KCNQ1OT1: variants seen among roughly 807,000 people sequenced by gnomAD.
KCNQ1OT1 encodes KCNQ1 antisense RNA 2 (non-protein coding).
At chr11:2,693,575 T>A in exon 1 of KCNQ1OT1, 1 of 398,632 alleles carries the variant, frequency 2.5e-6, no homozygotes, top group Non-Finnish European at 4.4e-6. Flanking sequence ...GGAGCAGGGA[T>A]TCTTCCATAA....
chr11:2,648,120 G>T (rs911443661), exon 1 of KCNQ1OT1: 2 of 381,940 alleles, frequency 5.2e-6, no homozygotes, highest in Non-Finnish European at 9.2e-6. Context: ...CAGGAGGATT[G>T]CTTGAGCCCA....
chr11:2,617,267 C>T lies in KCNQ1OT1; in HGVS notation n.82728G>A, dbSNP rs558782617. On this transcript the variant is annotated non_coding_transcript_exon_variant, in exon 1 of 1. Coordinates refer to ENST00000597346, the Ensembl canonical transcript of KCNQ1OT1. The surrounding 1 kb of genome is among the most constrained non-coding windows in gnomAD (Gnocchi z 4.6). ...TGCCCATGGTAACCACTAGTTTATT[C>T]TATCTCTGTATATTTGACTTTTTTC... 37 of 398,380 alleles carry T rather than the reference C, an allele frequency of 9.3e-5. 1 individual carries two copies. Among genetic ancestry groups the T allele is most frequent in the African/African-American group, 7.4e-4 (36 of 48,706 alleles). The allele number at this position is 398,380 out of a possible 1,614,324, so 24.7% of individuals were successfully genotyped here. A position where few individuals can be genotyped will look rare whatever the true frequency, so the allele number is the denominator to read the frequency against.
At chr11:2,640,583 G>C in exon 1 of KCNQ1OT1, 1 of 389,526 alleles carries the variant, frequency 2.6e-6, no homozygotes. Flanking sequence ...TTTTTTGACC[G>C]ATACATAATA....
exon 1 of KCNQ1OT1, chr11:2,689,325 C>T (rs1850549936): frequency 5.0e-6 from 2 of 398,690 alleles, no homozygotes; most frequent in Middle Eastern, 6.3e-4. Context: ...TCAGGACTGC[C>T]CCTATCCGCA....
At position 2,677,130 on chromosome 11, in the gene KCNQ1OT1, C is replaced by T. The variant is rs1773994562; in HGVS notation, n.22865G>A. The T allele has an allele frequency of 2.5e-6, 1 of 398,418 alleles. No individual in the cohort carries two copies. The highest frequency in any genetic ancestry group is 4.4e-6 in the Non-Finnish European group (1 of 226,052). 24.7% of individuals were successfully genotyped at this position (398,418 alleles called of 1,614,324 possible). A position where few individuals can be genotyped will look rare whatever the true frequency, so the allele number is the denominator to read the frequency against. ...ATGAAATTAGTTTCCCTGAAACATCCCTCCCTATTGAACACTGTTGTTTCT... is the reference window on the plus strand; with the variant it reads ...ATGAAATTAGTTTCCCTGAAACATCTCTCCCTATTGAACACTGTTGTTTCT... On this transcript the variant is annotated non_coding_transcript_exon_variant, in exon 1 of 1. Transcript: ENST00000597346. This position sits in a 1 kb window ranked among gnomAD's most constrained non-coding sequence, Gnocchi z 4.5.
At position 2,620,106 on chromosome 11, in the gene KCNQ1OT1, G is replaced by A. The variant is rs1849140959; in HGVS notation, n.79889C>T. 5.0e-6 allele frequency: 2 copies of A among 398,148 alleles called. No individual in the cohort carries two copies. Among genetic ancestry groups the A allele is most frequent in the Non-Finnish European group, 8.8e-6 (2 of 226,006 alleles). The allele number at this position is 398,148 out of a possible 1,614,324, so 24.7% of individuals were successfully genotyped here. On this transcript the variant is annotated non_coding_transcript_exon_variant, in exon 1 of 1. Coordinates refer to ENST00000597346, the Ensembl canonical transcript of KCNQ1OT1. The surrounding 1 kb of genome is among the most constrained non-coding windows in gnomAD (Gnocchi z 4.5). ...AGGTCCCACTTGCAAGTGGTAACAT[G>A]CAGTATTTGGTTTTCTGTTCCTGCA...
chr11:2,623,868 C>T lies in KCNQ1OT1; in HGVS notation n.76127G>A, dbSNP rs1849217152. On this transcript the variant is annotated non_coding_transcript_exon_variant, in exon 1 of 1. Coordinates refer to ENST00000597346, the Ensembl canonical transcript of KCNQ1OT1. The surrounding 1 kb of genome is among the most constrained non-coding windows in gnomAD (Gnocchi z 5.2). The stretch of plus-strand genomic sequence containing the variant: ...TGATTTCGATATACTCTGGATTCTT[C>T]GGGGGATATGTATACACATTCAGAA... The T allele has an allele frequency of 5.0e-6, 2 of 398,514 alleles. No individual in the cohort carries two copies. The highest frequency in any genetic ancestry group is 4.4e-6 in the Non-Finnish European group (1 of 226,030). 24.7% of individuals were successfully genotyped at this position (398,514 alleles called of 1,614,324 possible).
In KCNQ1OT1 at chr11:2,624,072, A is replaced by G; in HGVS notation, n.75923T>C. 2.5e-6 allele frequency: 1 copy of G among 398,806 alleles called. No homozygotes were observed. Among genetic ancestry groups the G allele is most frequent in the Non-Finnish European group, 4.4e-6 (1 of 226,270 alleles). 24.7% of individuals were successfully genotyped at this position (398,806 alleles called of 1,614,324 possible). A position where few individuals can be genotyped will look rare whatever the true frequency, so the allele number is the denominator to read the frequency against. On this transcript the variant is annotated non_coding_transcript_exon_variant, in exon 1 of 1. Coordinates refer to ENST00000597346, the Ensembl canonical transcript of KCNQ1OT1. The surrounding 1 kb of genome is among the most constrained non-coding windows in gnomAD (Gnocchi z 4.9). ...GTTCCTGTTGCCCCACATATTGGCAAGTATTTGGTATTGTCAGTGTTTTGA... is the reference window on the plus strand; with the variant it reads ...GTTCCTGTTGCCCCACATATTGGCAGGTATTTGGTATTGTCAGTGTTTTGA...
exon 1 of KCNQ1OT1, chr11:2,692,647 C>T (rs1850607224): frequency 7.5e-6 from 3 of 398,568 alleles, no homozygotes; most frequent in South Asian, 2.5e-4. Flanking sequence ...CAGCACTCCC[C>T]TCAGGGTGCA....
chr11:2,652,213 C>A lies in KCNQ1OT1; in HGVS notation n.47782G>T. ...TGGATTTGGTAGCCAGGGCCTGGAG[C>A]CGGATGCTGAGAATGAGGCCTGCAA... On this transcript the variant is annotated non_coding_transcript_exon_variant, in exon 1 of 1. Coordinates refer to ENST00000597346, the Ensembl canonical transcript of KCNQ1OT1. The surrounding 1 kb of genome is among the most constrained non-coding windows in gnomAD (Gnocchi z 5.9). The A allele has an allele frequency of 2.5e-6, 1 of 398,562 alleles. No individual in the cohort carries two copies. Among genetic ancestry groups the A allele is most frequent in the Non-Finnish European group, 4.4e-6 (1 of 226,084 alleles). The allele number at this position is 398,562 out of a possible 1,614,324, so 24.7% of individuals were successfully genotyped here. A position where few individuals can be genotyped will look rare whatever the true frequency, so the allele number is the denominator to read the frequency against.
At chr11:2,688,068 G>A (rs1158336928) in exon 1 of KCNQ1OT1, 2 of 398,838 alleles carry the variant, frequency 5.0e-6, no homozygotes, top group African/African-American at 4.1e-5. Context: ...TGGAGTTGGT[G>A]CTTCTAGGGC....
At chr11:2,699,597 C>A (rs978932033) in exon 1 of KCNQ1OT1, 13 of 346,222 alleles carry the variant, frequency 3.8e-5, no homozygotes, top group African/African-American at 2.5e-4. Context: ...AACAGAACCG[C>A]GGCGAGAGGC....
Position 2,613,809 on chromosome 11 carries a change from A to G in KCNQ1OT1, n.86186T>C. 1 of 398,302 alleles carries G rather than the reference A, an allele frequency of 2.5e-6. No individual in the cohort carries two copies. Among genetic ancestry groups the G allele is most frequent in the Non-Finnish European group, 4.4e-6 (1 of 225,986 alleles). The allele number at this position is 398,302 out of a possible 1,614,324, so 24.7% of individuals were successfully genotyped here. A position where few individuals can be genotyped will look rare whatever the true frequency, so the allele number is the denominator to read the frequency against. ...TATCTCTTCCATCCTAATTCCCCCT[A>G]CCCATTATAGGTAACCAGTTTCAGT... On this transcript the variant is annotated non_coding_transcript_exon_variant, in exon 1 of 1. Transcript: ENST00000597346. The surrounding 1 kb of genome is among the most constrained non-coding windows in gnomAD (Gnocchi z 4.8).
chr11:2,628,445 A>G (rs1198627630), exon 1 of KCNQ1OT1: 1 of 398,464 alleles, frequency 2.5e-6, no homozygotes, highest in East Asian at 3.6e-5. Context: ...CTTTGAATAA[A>G]TGTCTATTCA....
exon 1 of KCNQ1OT1, chr11:2,660,913 T>C (rs1393408616): frequency 2.5e-6 from 1 of 398,546 alleles, no homozygotes; most frequent in Non-Finnish European, 4.4e-6. Flanking sequence ...AGCTTAAAAC[T>C]ATAAGAGCCT....
exon 1 of KCNQ1OT1, chr11:2,631,426 GT>G (rs760125033): frequency 2.4e-5 from 9 of 373,640 alleles, no homozygotes; most frequent in East Asian, 1.5e-4. Flanking sequence ...CAAAATGTTT[GT>G]TTTTTTTTTA....
chr11:2,640,812 A>G (rs1344234843), exon 1 of KCNQ1OT1: 1 of 398,628 alleles, frequency 2.5e-6, no homozygotes, highest in Non-Finnish European at 4.4e-6. Context: ...CCCACTAACC[A>G]ACCTCTCTTC....
Position 2,679,891 on chromosome 11 carries a change from T to G in KCNQ1OT1, n.20104A>C. ...ACTTAGAACTAGCACGCCTAATTTT[T>G]TTTTTATTTTTATTTTTTTTGAGGC... On this transcript the variant is annotated non_coding_transcript_exon_variant, in exon 1 of 1. Coordinates refer to ENST00000597346, the Ensembl canonical transcript of KCNQ1OT1. This position sits in a 1 kb window ranked among gnomAD's most constrained non-coding sequence, Gnocchi z 4.8. 1 of 398,316 alleles carries G rather than the reference T, an allele frequency of 2.5e-6. No homozygotes were observed. The highest frequency in any genetic ancestry group is 4.4e-6 in the Non-Finnish European group (1 of 226,046). 24.7% of individuals were successfully genotyped at this position (398,316 alleles called of 1,614,324 possible). A position where few individuals can be genotyped will look rare whatever the true frequency, so the allele number is the denominator to read the frequency against.
At chr11:2,660,339 G>A (rs1258063288) in exon 1 of KCNQ1OT1, 1 of 398,220 alleles carries the variant, frequency 2.5e-6, no homozygotes, top group African/African-American at 2.1e-5. Flanking sequence ...AGTGAAATTA[G>A]GAATAAATTT....
Sources: allele counts gnomAD v4.1 joint callset, GRCh38; gene constraint gnomAD v4.1.1; non-coding constraint Gnocchi (gnomAD v3.1); transcripts MANE v1.5; gene names NCBI Gene and HGNC (gene_info 2026-07-23, HGNC 2026-07-21).